The following RYR2 variants were observed in gnomAD, a reference collection of about 807,000 sequenced individuals.
RYR2 encodes the protein cardiac muscle ryanodine receptor-calcium release channel.
A neutral mutation model predicts 601.1 loss-of-function variants in RYR2; 227 were observed. The ratio of observed to expected loss-of-function variants is 0.38; its 90% CI spans 0.34 to 0.42. The LOEUF (loss-of-function observed/expected upper bound fraction) is 0.42. RYR2 is among the 10% of genes least tolerant of loss of function. RYR2 has a pLI of 1.00. For synonymous variants in RYR2, 2,223 were observed against 2,175.1 expected (o/e 1.02, Z -0.61); for missense variants, 4,646 against 6,156.5 (o/e 0.75, Z 8.21).
chr1:237,523,905 C>T (rs934284036), intron 24 of RYR2, among the ~76,000 whole-genome samples: 1 of 152,006 alleles, frequency 6.6e-6, no homozygotes, highest in Non-Finnish European at 1.5e-5. Context: ...TTTTGACAGA[C>T]ATACCAAGTG....
chr1:237,473,318 G>C (rs2150323174), intron 17 of RYR2, among the ~76,000 whole-genome samples: 1 of 152,160 alleles, frequency 6.6e-6, no homozygotes, highest in East Asian at 1.9e-4. Context: ...CAGCTACTGG[G>C]GAGGCCGAGG....
intron 10 of RYR2, 94 bp downstream of exon 10, chr1:237,388,277 A>G: frequency 2.1e-6 from 2 of 945,712 alleles, no homozygotes; most frequent in Non-Finnish European, 3.3e-6. Context: ...GGCCAGTAGC[A>G]TCATACAAGA....
At chr1:237,602,772 A>C (rs976621530) in intron 35 of RYR2, among the ~76,000 whole-genome samples, 2 of 152,342 alleles carry the variant, frequency 1.3e-5, no homozygotes, top group Admixed American at 6.5e-5. Context: ...AAAGGTTAGC[A>C]TCTATTACAT....
chr1:237,352,775 C>G, intron 3 of RYR2: 3 of 463,374 alleles, frequency 6.5e-6, no homozygotes, highest in South Asian at 4.7e-5. Flanking sequence ...TAGATCTGTA[C>G]ATTTGTGTCT....
chr1:237,400,492 T>C (rs192347841), intron 10 of RYR2, among the ~76,000 whole-genome samples: 51 of 152,212 alleles, frequency 3.4e-4, no homozygotes, highest in African/African-American at 1.2e-3. Context: ...ATATAGGAGA[T>C]CTAGCAAGCA....
intron 79 of RYR2, among the ~76,000 whole-genome samples, chr1:237,738,809 G>A (rs958317996): frequency 1.3e-5 from 2 of 152,068 alleles, no homozygotes; most frequent in Non-Finnish European, 2.9e-5. Context: ...GGGATTGAAT[G>A]CCTATTCTTA....
chr1:237,503,586 C>G (rs1664889533), intron 22 of RYR2, 81 bp downstream of exon 22: 1 of 1,357,392 alleles, frequency 7.4e-7, no homozygotes, highest in African/African-American at 1.4e-5. Flanking sequence ...GACCACAACC[C>G]ATAGGAACGA....
In RYR2 at chr1:237,590,917, A is replaced by G; in HGVS notation, c.4085A>G (p.Asp1362Gly). 6.2e-7 allele frequency: 1 copy of G among 1,613,920 alleles called. No homozygotes were observed. The change falls in exon 31 of 105, where the codon GAC becomes GGC. Residue 1362 changes from aspartate (D) to glycine (G), a missense_variant. Asp to Gly is a moderately conservative substitution (Grantham distance 94). Coordinates refer to ENST00000366574, the MANE Select transcript of RYR2 (RefSeq NM_001035.3). ...GHLVPDRVDK[D>G]KEATKPEFNN... is the part of the protein sequence containing the mutation. ...CTAGTGCCCGATCGTGTTGACAAAG[A>G]CAAAGAAGCTACTAAACCAGAGTTT...
Position 237,603,229 on chromosome 1 carries a change from C to T in RYR2, c.4683+1118C>T, listed in dbSNP as rs572238603. ...TCCAGCGAAACCACAGCCAAGGGAA[C>T]GGGCTTGGTGGAATCCGCGGGGAAA... On this transcript the variant is annotated intron_variant, in intron 35 of 104. Coordinates refer to ENST00000366574, the MANE Select transcript of RYR2 (RefSeq NM_001035.3). Among the ~76,000 whole-genome samples the T allele has an allele frequency of 1.3e-3, 200 of 152,228 alleles. 1 individual carries two copies. Among genetic ancestry groups the T allele is most frequent in the African/African-American group, 4.6e-3 (192 of 41,538 alleles).
chr1:237,423,147 A>G lies in RYR2; in HGVS notation c.904A>G (p.Thr302Ala), dbSNP rs1178740695. The G allele has an allele frequency of 6.2e-7, 1 of 1,613,918 alleles. No homozygotes were observed. The highest frequency in any genetic ancestry group is 1.1e-5 in the South Asian group (1 of 91,066). The change falls in exon 12 of 105, where the codon ACA becomes GCA. Residue 302 changes from threonine (T) to alanine (A), a missense_variant. Around this residue, in one of 17 missense-constraint regions of RYR2, gnomAD observed 1,807 missense variants for 2,088.1 expected, o/e 0.87. Coordinates refer to ENST00000366574, the MANE Select transcript of RYR2 (RefSeq NM_001035.3). The stretch of plus-strand genomic sequence containing the variant: ...GCCATTCCGACTACGCCATGTCACA[A>G]CAGGAAAATACTTGAGTCTCATGGA... The part of the protein sequence containing the change: ...GQPFRLRHVT[T>A]GKYLSLMEDK...
intron 1 of RYR2, among the ~76,000 whole-genome samples, chr1:237,187,823 A>AAC (rs1679538563): frequency 1.3e-5 from 2 of 151,996 alleles, no homozygotes; most frequent in African/African-American, 4.8e-5. Flanking sequence ...TCCAGAGATT[A>AAC]TTTGAGATTA....
At chr1:237,663,230 A>G (rs528045503) in intron 56 of RYR2, among the ~76,000 whole-genome samples, 2 of 152,228 alleles carry the variant, frequency 1.3e-5, no homozygotes, top group Non-Finnish European at 2.9e-5. Flanking sequence ...GCCTTATAGC[A>G]TTTTCTTTTT....
chr1:237,452,488 C>G (rs1001648911), intron 14 of RYR2, among the ~76,000 whole-genome samples: 1 of 142,274 alleles, frequency 7.0e-6, no homozygotes, highest in Non-Finnish European at 1.5e-5. Flanking sequence ...CTAATATATA[C>G]TATATATAAT....
chr1:237,754,650 G>T (rs1253506563), intron 80 of RYR2, among the ~76,000 whole-genome samples: 1 of 152,204 alleles, frequency 6.6e-6, no homozygotes, highest in African/African-American at 2.4e-5. Flanking sequence ...AGCTGGTTAA[G>T]CTTTAAGCGA....
intron 1 of RYR2, among the ~76,000 whole-genome samples, chr1:237,154,737 A>G (rs1234615206): frequency 6.6e-6 from 1 of 152,204 alleles, no homozygotes; most frequent in Non-Finnish European, 1.5e-5. Flanking sequence ...CATTTTATAG[A>G]CTTCATTATA....
chr1:237,587,497 G>T (rs1674657541), intron 29 of RYR2, among the ~76,000 whole-genome samples: 1 of 151,946 alleles, frequency 6.6e-6, no homozygotes, highest in African/African-American at 2.4e-5. Context: ...TAAAAACCCT[G>T]CTGCTGTTTT....
chr1:237,673,980 T>C, intron 58 of RYR2, 116 bp from the exon 59 acceptor site: 1 of 729,774 alleles, frequency 1.4e-6, no homozygotes, highest in Non-Finnish European at 2.3e-6. Context: ...TTATATGCTC[T>C]ATGTATTATT....
chr1:237,651,865 G>A (rs777622072), intron 51 of RYR2, among the ~76,000 whole-genome samples: 11 of 152,054 alleles, frequency 7.2e-5, no homozygotes, highest in Non-Finnish European at 1.0e-4. Context: ...GTGAAACCCC[G>A]TCTCTATAAA....
intron 40 of RYR2, 42 bp from the exon 41 acceptor site, chr1:237,627,765 C>G: frequency 6.6e-7 from 1 of 1,515,346 alleles, no homozygotes; most frequent in South Asian, 1.3e-5. Context: ...GATTTGTCTT[C>G]TCTTATTTTT....
Sources: gnomAD v4.1 joint callset for allele counts (sites outside exome capture counted in the v4.1 genomes callset) on GRCh38, gnomAD v4.1.1 for gene constraint, gnomAD v4.1.1 regional missense constraint, MANE v1.5 for transcripts, NCBI Gene and HGNC (gene_info 2026-07-23, HGNC 2026-07-21) for gene names.